The following DOCK4 variants were observed in gnomAD, a reference collection of about 807,000 sequenced individuals.
DOCK4 encodes dedicator of cytokinesis 4.
Under a neutral mutation model 268.1 loss-of-function variants are expected in DOCK4, and 97 were observed. That is an observed-to-expected ratio of 0.36 (90% CI 0.31 to 0.43). The LOEUF (loss-of-function observed/expected upper bound fraction) is 0.43, where lower values mean the gene tolerates loss of function less well. Ranked by LOEUF, DOCK4 falls within the 20% of genes least tolerant of loss-of-function variation. DOCK4 has a pLI of 1.00. For missense variants in DOCK4, 2,145 were observed against 2,455.7 expected (o/e 0.87, Z 2.67); for synonymous variants, 954 against 887.2 (o/e 1.08, Z -1.34).
intron 15 of DOCK4, among the ~76,000 whole-genome samples, chr7:111,899,448 G>GATATACACAAGATAT (rs1407225964): frequency 6.6e-6 from 1 of 152,148 alleles, no homozygotes; most frequent in Admixed American, 6.5e-5. Flanking sequence ...TATACTCAGG[G>GATATACACAAGATAT]ACACAAGGAA....
At chr7:112,012,115 AT>A (rs891995405) in intron 1 of DOCK4, among the ~76,000 whole-genome samples, 13 of 152,036 alleles carry the variant, frequency 8.6e-5, no homozygotes, top group African/African-American at 3.1e-4. Flanking sequence ...AAATAATAGA[AT>A]TTTTTCATCA....
rs866538233 is a variant in DOCK4, at chr7:111,985,961, T to C, written c.465-1571A>G. Among the ~76,000 whole-genome samples the C allele has an allele frequency of 1.2e-3, 190 of 152,310 alleles. 2 individuals are homozygous for C. Among genetic ancestry groups the C allele is most frequent in the African/African-American group, 3.2e-3 (133 of 41,574 alleles). The stretch of plus-strand genomic sequence containing the variant: ...AATGAAAGAGGGCATATAACCACTG[T>C]GATACTTGTCTTACTCATAGCTCCT... On this transcript the variant is annotated intron_variant, in intron 6 of 52. Coordinates refer to ENST00000428084, the MANE Select transcript of DOCK4 (RefSeq NM_001363540.2).
intron 1 of DOCK4, among the ~76,000 whole-genome samples, chr7:112,077,177 A>T (rs1266552724): frequency 6.6e-6 from 1 of 152,144 alleles, no homozygotes; most frequent in Non-Finnish European, 1.5e-5. Flanking sequence ...TAATAAAAGT[A>T]ACCTTTTGGA....
At chr7:111,969,398 C>T (rs1340360933) in intron 8 of DOCK4, among the ~76,000 whole-genome samples, 5 of 144,324 alleles carry the variant, frequency 3.5e-5, no homozygotes, top group African/African-American at 1.4e-4. Context: ...TTTGCATCTA[C>T]AAAATTTACT....
intron 8 of DOCK4, among the ~76,000 whole-genome samples, chr7:111,953,493 A>G (rs970139898): frequency 6.6e-6 from 1 of 152,188 alleles, no homozygotes; most frequent in Non-Finnish European, 1.5e-5. Context: ...CTAACAGTGT[A>G]AGATATGTCC....
At chr7:111,918,307 C>A (rs1586367375) in intron 12 of DOCK4, among the ~76,000 whole-genome samples, 1 of 152,312 alleles carries the variant, frequency 6.6e-6, no homozygotes, top group Middle Eastern at 3.4e-3. Flanking sequence ...CTCAGAACTT[C>A]AAATCTGCGT....
chr7:112,105,784 G>T (rs1811096757), intron 1 of DOCK4, among the ~76,000 whole-genome samples: 1 of 151,380 alleles, frequency 6.6e-6, no homozygotes, highest in Non-Finnish European at 1.5e-5. Flanking sequence ...GACCTCCTGG[G>T]CTCAAGCAAT....
At chr7:112,201,892 A>G (rs1820971003) in intron 1 of DOCK4, among the ~76,000 whole-genome samples, 1 of 152,142 alleles carries the variant, frequency 6.6e-6, no homozygotes, top group African/African-American at 2.4e-5. Flanking sequence ...TAATCTCTAT[A>G]TTTATGAAGT....
At chr7:111,828,988 G>T (rs749387743) in intron 26 of DOCK4, among the ~76,000 whole-genome samples, 2 of 151,516 alleles carry the variant, frequency 1.3e-5, no homozygotes, top group South Asian at 4.1e-4. Flanking sequence ...ATTAGGATAC[G>T]TTGGGGGTTA....
chr7:111,869,573 C>T lies in DOCK4; in HGVS notation c.2109+1G>A. On this transcript the variant is annotated splice_donor_variant, in intron 21 of 52. Transcript: ENST00000428084. LOFTEE classifies it high-confidence loss of function. ...TGCTGTTATCAACAGCATGTTATCA[C>T]CTTCAGCACCTCCTGGATATGCTCT... 1 of 1,613,238 alleles carries T rather than the reference C, an allele frequency of 6.2e-7. No individual in the cohort carries two copies. The highest frequency in any genetic ancestry group is 8.5e-7 in the Non-Finnish European group (1 of 1,179,340).
chr7:112,189,746 G>GTTTTT lies in DOCK4; in HGVS notation c.37+16351_37+16355dup, dbSNP rs57399750. ...TGTTTTTATTCTCTGTCTGGGTTTT[G>GTTTTT]TTTTTTTTTTTTTTTTTTTTTGAGA... On this transcript the variant is annotated intron_variant, in intron 1 of 52. Transcript: ENST00000428084. Among the ~76,000 whole-genome samples the GTTTTT allele has an allele frequency of 6.0e-4, 57 of 95,794 alleles. 1 individual carries two copies. Among genetic ancestry groups the GTTTTT allele is most frequent in the South Asian group, 1.5e-3 (4 of 2,700 alleles). The allele number at this position is 95,794 out of a possible 152,430, so 62.8% of individuals were successfully genotyped here.
chr7:111,808,744 T>C, intron 30 of DOCK4, 77 bp downstream of exon 30: 1 of 1,459,646 alleles, frequency 6.9e-7, no homozygotes. Flanking sequence ...ACTGGTAAAT[T>C]GCCTTTCTTC....
intron 10 of DOCK4, 21 bp from the exon 11 acceptor site, chr7:111,940,263 C>T: frequency 1.2e-6 from 2 of 1,613,926 alleles, no homozygotes; most frequent in Non-Finnish European, 1.7e-6. Context: ...AAAGAGCAAT[C>T]ATTAACCCAT....
At chr7:111,854,146 G>A (rs562811395) in intron 23 of DOCK4, among the ~76,000 whole-genome samples, 4 of 152,130 alleles carry the variant, frequency 2.6e-5, no homozygotes, top group African/African-American at 9.6e-5. Context: ...ATTGTCTTAT[G>A]CCCAATTTCT....
chr7:111,920,038 C>T (rs565874084), intron 12 of DOCK4, among the ~76,000 whole-genome samples: 9 of 152,010 alleles, frequency 5.9e-5, no homozygotes, highest in Non-Finnish European at 1.0e-4. Flanking sequence ...AAAGGAAAGA[C>T]GTAGCAAATA....
At chr7:111,874,517 C>T (rs1806681830) in intron 17 of DOCK4, among the ~76,000 whole-genome samples, 1 of 152,176 alleles carries the variant, frequency 6.6e-6, no homozygotes, top group Admixed American at 6.5e-5. Flanking sequence ...TAGTTATGTC[C>T]ATCTGGATGT....
chr7:112,008,225 C>T (rs1409411477), intron 1 of DOCK4, among the ~76,000 whole-genome samples: 2 of 152,166 alleles, frequency 1.3e-5, no homozygotes, highest in Non-Finnish European at 2.9e-5. Context: ...AAAACTACTG[C>T]TGTGGTGATG....
chr7:111,902,868 C>T (rs1046746666), intron 13 of DOCK4, among the ~76,000 whole-genome samples: 4 of 151,996 alleles, frequency 2.6e-5, no homozygotes, highest in Non-Finnish European at 4.4e-5. Context: ...CTCCCAGGTT[C>T]CCACCATTCT....
At chr7:111,821,931 T>A (rs1802012325) in intron 27 of DOCK4, among the ~76,000 whole-genome samples, 1 of 152,250 alleles carries the variant, frequency 6.6e-6, no homozygotes, top group Admixed American at 6.5e-5. Context: ...CAATGCAATA[T>A]TATTCAGCTG....
Sources: allele counts gnomAD v4.1 joint callset (sites outside exome capture counted in the v4.1 genomes callset), GRCh38; gene constraint gnomAD v4.1.1; transcripts MANE v1.5; gene names NCBI Gene and HGNC (gene_info 2026-07-23, HGNC 2026-07-21).